GADL1: variants seen among roughly 807,000 people sequenced by gnomAD.
GADL1 encodes the protein GAD like acidic amino acid decarboxylase 1.
GADL1 carries 71 observed loss-of-function variants against 69.5 expected under a neutral mutation model. The ratio of observed to expected loss-of-function variants is 1.02; its 90% CI spans 0.84 to 1.25. The LOEUF is 1.25. Ranked by LOEUF, GADL1 falls within the 50% of genes most tolerant of loss-of-function variation. The pLI, the probability that GADL1 is intolerant of heterozygous loss-of-function variation, is 0.00. For synonymous variants in GADL1, 254 were observed against 214.4 expected (o/e 1.18, Z -1.62); for missense variants, 737 against 631.8 (o/e 1.17, Z -1.79).
At chr3:30,763,947 A>G (rs1339205463) in intron 14 of GADL1, among the ~76,000 whole-genome samples, 2 of 152,238 alleles carry the variant, frequency 1.3e-5, no homozygotes, top group African/African-American at 2.4e-5. Context: ...AAAAAGGAAA[A>G]AATCTTCCCA....
At chr3:30,808,142 A>AG (rs1456423589) in intron 11 of GADL1, among the ~76,000 whole-genome samples, 1 of 151,990 alleles carries the variant, frequency 6.6e-6, no homozygotes, top group Non-Finnish European at 1.5e-5. Context: ...AAAAAGGAGG[A>AG]GGGGAGGGAA....
chr3:30,754,977 A>AC (rs1695933772), intron 14 of GADL1, among the ~76,000 whole-genome samples: 1 of 152,106 alleles, frequency 6.6e-6, no homozygotes, highest in East Asian at 1.9e-4. Context: ...GCAGACCAAA[A>AC]CGGGGGAGCA....
chr3:30,791,466 C>CA (rs1237397469), intron 12 of GADL1, among the ~76,000 whole-genome samples: 6 of 151,998 alleles, frequency 3.9e-5, no homozygotes, highest in Non-Finnish European at 8.8e-5. Context: ...TAAAGATGTA[C>CA]AAAAAAATTG....
At chr3:30,829,041 TACTG>T (rs767656382) in intron 11 of GADL1, among the ~76,000 whole-genome samples, 6 of 151,926 alleles carry the variant, frequency 3.9e-5, no homozygotes, top group Admixed American at 1.3e-4. Context: ...AAAAATCTGA[TACTG>T]ACATTTTTCT....
rs145205669 is a variant in GADL1, at chr3:30,855,606, ATT to A, written c.338-819_338-818del. 8.8e-3 allele frequency among the ~76,000 whole-genome samples: 1,338 copies of A among 151,892 alleles called. 60 individuals are homozygous for A. In the East Asian group the frequency reaches 0.14, roughly 15 times the overall value. ...CAAACAATGGCTTGTTCCAATTTTAATTTTTTTCCCCCCTCCTATAAAAGGTC... is the reference window on the plus strand; with the variant it reads ...CAAACAATGGCTTGTTCCAATTTTAATTTTTCCCCCCTCCTATAAAAGGTC... On this transcript the variant is annotated intron_variant, in intron 3 of 14. Transcript: ENST00000282538.
At chr3:30,866,918 A>G (rs1476050386) in intron 1 of GADL1, among the ~76,000 whole-genome samples, 1 of 152,004 alleles carries the variant, frequency 6.6e-6, no homozygotes, top group Non-Finnish European at 1.5e-5. Context: ...CTGACTGTAT[A>G]TTTACTTTGG....
chr3:30,874,081 G>A (rs1698541429), intron 1 of GADL1, among the ~76,000 whole-genome samples: 1 of 151,960 alleles, frequency 6.6e-6, no homozygotes, highest in African/African-American at 2.4e-5. Context: ...CAAGAAAAAT[G>A]CATTGCTGAG....
intron 11 of GADL1, 87 bp downstream of exon 11, chr3:30,833,766 A>G: frequency 1.1e-6 from 1 of 876,270 alleles, no homozygotes; most frequent in Non-Finnish European, 1.9e-6. Flanking sequence ...CGCCCAAGTC[A>G]CCAAGAGATG....
At chr3:30,816,530 CTTTT>C (rs773530741) in intron 11 of GADL1, among the ~76,000 whole-genome samples, 4,596 of 53,948 alleles carry the variant, frequency 0.085, 392 homozygotes, top group South Asian at 0.28. Context: ...AATTTGTTTT[CTTTT>C]TTTTTTTTTT....
At chr3:30,827,200 G>T (rs893262277) in intron 11 of GADL1, among the ~76,000 whole-genome samples, 1 of 150,836 alleles carries the variant, frequency 6.6e-6, no homozygotes, top group African/African-American at 2.4e-5. Flanking sequence ...AATTAACTGA[G>T]GCTTGGGTTT....
At chr3:30,805,908 C>T (rs755700099) in intron 11 of GADL1, among the ~76,000 whole-genome samples, 14 of 151,876 alleles carry the variant, frequency 9.2e-5, no homozygotes, top group African/African-American at 2.4e-4. Context: ...CTCTTACGCA[C>T]GGTTCACAAT....
At chr3:30,805,695 T>TCTA (rs143563218) in intron 11 of GADL1, among the ~76,000 whole-genome samples, 8,089 of 147,992 alleles carry the variant, frequency 0.055, 546 homozygotes, top group African/African-American at 0.15. Context: ...ATCCCATGGG[T>TCTA]CTACTAAGTC....
intron 1 of GADL1, among the ~76,000 whole-genome samples, chr3:30,872,924 C>G (rs565574447): frequency 7.9e-5 from 12 of 152,060 alleles, no homozygotes; most frequent in African/African-American, 2.9e-4. Context: ...CCTTCAGAGT[C>G]TCTCATCTAT....
intron 14 of GADL1, among the ~76,000 whole-genome samples, chr3:30,750,092 T>G (rs1466836382): frequency 1.3e-5 from 2 of 152,186 alleles, no homozygotes; most frequent in African/African-American, 4.8e-5. Context: ...CCTCCTCCTC[T>G]TTCTCCTTCT....
intron 8 of GADL1, among the ~76,000 whole-genome samples, chr3:30,842,283 T>A (rs757860099): frequency 2.0e-4 from 31 of 152,178 alleles, no homozygotes; most frequent in Non-Finnish European, 4.4e-4. Flanking sequence ...TTTAAGCAAG[T>A]ACGTATCCTT....
At chr3:30,762,913 A>C (rs1696176509) in intron 14 of GADL1, among the ~76,000 whole-genome samples, 2 of 152,148 alleles carry the variant, frequency 1.3e-5, no homozygotes, top group African/African-American at 2.4e-5. Context: ...AAATGACTGG[A>C]TCTCATTCTT....
chr3:30,812,827 G>T (rs1697387382), intron 11 of GADL1, among the ~76,000 whole-genome samples: 1 of 152,100 alleles, frequency 6.6e-6, no homozygotes, highest in Admixed American at 6.6e-5. Context: ...TTGAGAAAGG[G>T]ATTTTAGGTA....
intron 14 of GADL1, among the ~76,000 whole-genome samples, chr3:30,773,252 G>A (rs904826188): frequency 6.6e-6 from 1 of 151,990 alleles, no homozygotes; most frequent in East Asian, 1.9e-4. Flanking sequence ...TTTTTAAATG[G>A]TAAAAACGTA....
At chr3:30,859,034 G>A (rs1390886513) in intron 2 of GADL1, among the ~76,000 whole-genome samples, 1 of 152,008 alleles carries the variant, frequency 6.6e-6, no homozygotes, top group African/African-American at 2.4e-5. Flanking sequence ...AAGTGCTCAT[G>A]GAATTTATCA....
Sources: allele counts gnomAD v4.1 joint callset (sites outside exome capture counted in the v4.1 genomes callset), GRCh38; gene constraint gnomAD v4.1.1; transcripts MANE v1.5; gene names NCBI Gene and HGNC (gene_info 2026-07-23, HGNC 2026-07-21).